Variants in GAD2 observed in about 807,000 individuals in gnomAD.
The protein encoded by GAD2 is 65 kDa glutamic acid decarboxylase.
In GAD2, 22 loss-of-function variants were observed where a neutral mutation model predicts 80.1. The observed-to-expected ratio is 0.27, with a 90% CI of 0.20 to 0.39. GAD2 has a LOEUF of 0.39. GAD2 is among the 10% of genes least tolerant of loss of function. The pLI is 1.00. For synonymous variants in GAD2, 274 were observed against 256.9 expected (o/e 1.07, Z -0.64); for missense variants, 624 against 738.4 (o/e 0.85, Z 1.80).
intron 8 of GAD2, among the ~76,000 whole-genome samples, chr10:26,265,423 T>A (rs1356914588): frequency 6.6e-6 from 1 of 152,110 alleles, no homozygotes; most frequent in Non-Finnish European, 1.5e-5. Context: ...CAGGATGGTC[T>A]CAATATCTTG....
chr10:26,281,082 G>A lies in GAD2; in HGVS notation c.1231G>A (p.Glu411Lys). The A allele has an allele frequency of 9.9e-6, 16 of 1,610,954 alleles. No homozygotes were observed. The highest frequency in any genetic ancestry group is 1.3e-5 in the Non-Finnish European group (15 of 1,177,284). ...GCAGTGCTCTGCTCTCCTGGTTAGA[G>A]AAGAGGTATGTCTCTCTTGACTCTG... is the stretch of plus-strand genomic sequence containing the variant. Reference protein sequence around the residue: ...PLQCSALLVREEGLMQNCNQM... With the variant: ...PLQCSALLVRKEGLMQNCNQM... The change falls in exon 12 of 16, where the codon GAA (glutamate) becomes AAA (lysine). Residue 411 changes from glutamate (E) to lysine (K), a missense_variant. Transcript: ENST00000376261.
chr10:26,260,988 C>A (rs1024508289), intron 8 of GAD2, among the ~76,000 whole-genome samples: 2 of 152,168 alleles, frequency 1.3e-5, no homozygotes, highest in Non-Finnish European at 2.9e-5. Context: ...GTAAGCACAT[C>A]ATGGAGAATA....
chr10:26,283,202 G>A lies in GAD2; in HGVS notation c.1236+2115G>A, dbSNP rs1845292794. Among the ~76,000 whole-genome samples the A allele has an allele frequency of 3.3e-5, 5 of 152,212 alleles. No individual in the cohort carries two copies. In the South Asian group the frequency reaches 1.0e-3, roughly 31 times the overall value. ...CCTATGGCTTGGTACCTAACCTGTA[G>A]CATTCGAAATATTCACGGACTGTTT... On this transcript the variant is annotated intron_variant, in intron 12 of 15. Transcript: ENST00000376261.
intron 8 of GAD2, among the ~76,000 whole-genome samples, chr10:26,253,184 G>T (rs1168631590): frequency 2.0e-5 from 3 of 152,124 alleles, no homozygotes; most frequent in African/African-American, 7.2e-5. Context: ...CTTTCATTTT[G>T]ATGTGAAGCA....
rs565774671 is a variant in GAD2, at chr10:26,290,026, T to A, written c.1387-2439T>A. On this transcript the variant is annotated intron_variant, in intron 13 of 15. Coordinates refer to ENST00000376261, the MANE Select transcript of GAD2 (RefSeq NM_001134366.2). ...GTTTTCCTTGTGGTTTTTTTATGAT[T>A]AGCTTTTCTAATTAAAAATGTGGAT... Among the ~76,000 whole-genome samples, 368 of 152,248 alleles carry A rather than the reference T, an allele frequency of 2.4e-3. 2 individuals carry two copies. Among genetic ancestry groups the A allele is most frequent in the Non-Finnish European group, 4.6e-3 (310 of 68,022 alleles).
At chr10:26,295,508 GCACACA>G (rs61216190) in intron 15 of GAD2, among the ~76,000 whole-genome samples, 87 of 133,892 alleles carry the variant, frequency 6.5e-4, no homozygotes, top group Non-Finnish European at 9.4e-4. Context: ...TCATACGCAT[GCACACA>G]CACACACACA....
rs762850201 is a variant in GAD2, at chr10:26,235,302, G to A, written c.840+5525G>A. On this transcript the variant is annotated intron_variant, in intron 7 of 15. Coordinates refer to ENST00000376261, the MANE Select transcript of GAD2 (RefSeq NM_001134366.2). The stretch of plus-strand genomic sequence containing the variant: ...GCCATAGGGATGGGAACAACATTGC[G>A]AGACTCTGTGGCCTTCTGCATCCAA... Among the ~76,000 whole-genome samples, 8 of 152,186 alleles carry A rather than the reference G, an allele frequency of 5.3e-5. No individual in the cohort carries two copies. The South Asian group carries it at 6.2e-4, about 12-fold the overall frequency.
In GAD2 at chr10:26,216,960, G is replaced by A; in HGVS notation, c.76+75G>A. On this transcript the variant is annotated intron_variant, in intron 1 of 15. Coordinates refer to ENST00000376261, the MANE Select transcript of GAD2 (RefSeq NM_001134366.2). The surrounding 1 kb of genome is among the most constrained non-coding windows in gnomAD (Gnocchi z 4.7). ...GGGTTTGCGGAACTACGGAGAAGAC[G>A]AAGGAGGTTTTTCCACCTGCAACAG... The A allele has an allele frequency of 2.2e-6, 3 of 1,338,508 alleles. No homozygotes were observed. The highest frequency in any genetic ancestry group is 3.2e-6 in the Non-Finnish European group (3 of 951,964). The allele number at this position is 1,338,508 out of a possible 1,614,324, so 82.9% of individuals were successfully genotyped here.
chr10:26,248,811 A>G (rs920359144), intron 8 of GAD2, among the ~76,000 whole-genome samples: 1 of 132,454 alleles, frequency 7.5e-6, no homozygotes, highest in African/African-American at 2.5e-5. Flanking sequence ...TTGCAATCAG[A>G]AAAAAAAATG....
chr10:26,298,564 G>C (rs1472289574), intron 15 of GAD2, among the ~76,000 whole-genome samples: 2 of 152,194 alleles, frequency 1.3e-5, no homozygotes, highest in Non-Finnish European at 2.9e-5. Context: ...AGCTAGAGAT[G>C]ATTGTCCTTA....
At chr10:26,227,308 G>C (rs953841180) in intron 6 of GAD2, among the ~76,000 whole-genome samples, 1 of 152,208 alleles carries the variant, frequency 6.6e-6, no homozygotes, top group African/African-American at 2.4e-5. Context: ...AATAAGAGCA[G>C]GTAGGGCTCA....
chr10:26,273,253 G>A (rs904754987), intron 10 of GAD2, among the ~76,000 whole-genome samples: 1 of 152,228 alleles, frequency 6.6e-6, no homozygotes, highest in Non-Finnish European at 1.5e-5. Flanking sequence ...AGTTTTCCCT[G>A]CAACTTGGAA....
rs958372241 is a variant in GAD2 at position 26,275,793 on chromosome 10, G to C, written c.1157+2093G>C. The stretch of plus-strand genomic sequence containing the variant: ...CTCACCCTAAAAGTAGAAGAAATCC[G>C]TAGTCAATTCTTGTCCCCAAATCCA... On this transcript the variant is annotated intron_variant, in intron 11 of 15. Coordinates refer to ENST00000376261, the MANE Select transcript of GAD2 (RefSeq NM_001134366.2). Among the ~76,000 whole-genome samples the C allele has an allele frequency of 3.9e-5, 6 of 152,296 alleles. No homozygotes were observed. The East Asian group carries it at 1.2e-3, about 29-fold the overall frequency.
At chr10:26,277,949 C>T (rs773393700) in intron 11 of GAD2, among the ~76,000 whole-genome samples, 5 of 151,854 alleles carry the variant, frequency 3.3e-5, no homozygotes, top group Non-Finnish European at 5.9e-5. Context: ...GCCGCATGAC[C>T]GAATCCCACA....
intron 10 of GAD2, 127 bp downstream of exon 10, chr10:26,270,883 C>A: frequency 2.7e-6 from 2 of 732,328 alleles, no homozygotes; most frequent in South Asian, 1.6e-5. Context: ...GATATTAAAG[C>A]TTTTAAAGCT....
In GAD2 at chr10:26,245,938, G is replaced by A; in HGVS notation, c.858G>A (p.Lys286=). The change falls in exon 8 of 16, where the codon AAG becomes AAA. Residue 286 remains lysine, a synonymous_variant. Coordinates refer to ENST00000376261, the MANE Select transcript of GAD2 (RefSeq NM_001134366.2). Reference sequence around the variant, plus strand: ...TTTTACAGAGTCATTTTTCTCTCAAGAAGGGAGCTGCAGCCTTAGGGATTG... The same window carrying A: ...TTTTACAGAGTCATTTTTCTCTCAAAAAGGGAGCTGCAGCCTTAGGGATTG... ...FTSEHSHFSL[K]KGAAALGIGT... The A allele has an allele frequency of 6.2e-7, 1 of 1,613,830 alleles. No homozygotes were observed. The highest frequency in any genetic ancestry group is 8.5e-7 in the Non-Finnish European group (1 of 1,179,740).
In GAD2 at chr10:26,278,716, T is replaced by C. The variant is rs560756252; in HGVS notation, c.1158-2293T>C. On this transcript the variant is annotated intron_variant, in intron 11 of 15. Coordinates refer to ENST00000376261, the MANE Select transcript of GAD2 (RefSeq NM_001134366.2). ...CTCTCCAGGGGTAGTTATCTGACCA[T>C]GAACTGCCTTTGCTTCTAGTTCCTC... is the stretch of plus-strand genomic sequence containing the variant. Among the ~76,000 whole-genome samples, 7 of 152,240 alleles carry C rather than the reference T, an allele frequency of 4.6e-5. No homozygotes were observed. The East Asian group carries it at 1.4e-3, about 29-fold the overall frequency.
chr10:26,226,157 G>A (rs915047316), intron 6 of GAD2, among the ~76,000 whole-genome samples: 2 of 152,092 alleles, frequency 1.3e-5, no homozygotes, highest in Admixed American at 6.5e-5. Context: ...CCGGGAGTAG[G>A]GAGAGGACAG....
intron 8 of GAD2, among the ~76,000 whole-genome samples, chr10:26,252,313 G>A (rs1844889001): frequency 6.6e-6 from 1 of 152,116 alleles, no homozygotes; most frequent in African/African-American, 2.4e-5. Flanking sequence ...AATGCTGCAT[G>A]TGGAGGAAGA....
Sources: allele counts gnomAD v4.1 joint callset (sites outside exome capture counted in the v4.1 genomes callset), GRCh38; gene constraint gnomAD v4.1.1; non-coding constraint Gnocchi (gnomAD v3.1); transcripts MANE v1.5; gene names NCBI Gene and HGNC (gene_info 2026-07-23, HGNC 2026-07-21).